The following VAV3 variants were observed in gnomAD, a reference collection of about 807,000 sequenced individuals.
The protein encoded by VAV3 is vav guanine nucleotide exchange factor 3, also known as guanine nucleotide exchange factor VAV3.
In VAV3, 94 loss-of-function variants were observed where a neutral mutation model predicts 131.2. The observed-to-expected ratio is 0.72, with a 90% CI of 0.61 to 0.85. The LOEUF (loss-of-function observed/expected upper bound fraction) is 0.85, where lower values mean the gene tolerates loss of function less well. VAV3 is among the 40% of genes least tolerant of loss of function. VAV3 has a pLI of 0.00. For missense variants in VAV3, 939 were observed against 1,002.7 expected (o/e 0.94, Z 0.86); for synonymous variants, 349 against 342.0 (o/e 1.02, Z -0.22).
At chr1:107,686,378 A>G (rs1253273192) in intron 18 of VAV3, among the ~76,000 whole-genome samples, 1 of 152,126 alleles carries the variant, frequency 6.6e-6, no homozygotes, top group Admixed American at 6.6e-5. Context: ...ATAAACTGGT[A>G]CATGGAGAGA....
chr1:107,668,835 CAT>C (rs1277585999), intron 19 of VAV3: 22 of 985,610 alleles, frequency 2.2e-5, no homozygotes, highest in African/African-American at 5.2e-5. Flanking sequence ...TTGATTGTCA[CAT>C]GTTAAATGGA....
chr1:107,749,182 T>C (rs866071706), intron 14 of VAV3, 105 bp from the exon 15 acceptor site: 69 of 906,808 alleles, frequency 7.6e-5, no homozygotes, highest in Middle Eastern at 3.2e-4. Context: ...ATATTATCAA[T>C]GTACAAACTG....
intron 2 of VAV3, among the ~76,000 whole-genome samples, chr1:107,782,386 T>C (rs1665740398): frequency 6.6e-6 from 1 of 152,092 alleles, no homozygotes; most frequent in Non-Finnish European, 1.5e-5. Context: ...TTTTCATGAG[T>C]GTCCACCAGA....
At chr1:107,673,168 T>G (rs1236700922) in intron 19 of VAV3, among the ~76,000 whole-genome samples, 1 of 152,222 alleles carries the variant, frequency 6.6e-6, no homozygotes, top group Non-Finnish European at 1.5e-5. Context: ...ACTTCCTTTT[T>G]TCTGAAGAGT....
chr1:107,868,222 G>C (rs974197842), intron 2 of VAV3, among the ~76,000 whole-genome samples: 2 of 152,156 alleles, frequency 1.3e-5, no homozygotes, highest in African/African-American at 4.8e-5. Flanking sequence ...AATACTTCAA[G>C]AGAGAAACAT....
chr1:107,683,636 CAT>C, intron 18 of VAV3, 103 bp from the exon 19 acceptor site: 1 of 1,168,770 alleles, frequency 8.6e-7, no homozygotes, highest in Non-Finnish European at 1.3e-6. Context: ...GAATGTTGCA[CAT>C]TTTCCAAGTC....
At chr1:107,837,510 A>AT (rs976943242) in intron 2 of VAV3, among the ~76,000 whole-genome samples, 1 of 152,114 alleles carries the variant, frequency 6.6e-6, no homozygotes, top group Non-Finnish European at 1.5e-5. Context: ...TAGCAATGTC[A>AT]TTTTTCACAG....
chr1:107,582,100 G>A (rs997996654), intron 25 of VAV3, among the ~76,000 whole-genome samples: 5 of 152,238 alleles, frequency 3.3e-5, no homozygotes, highest in African/African-American at 7.2e-5. Context: ...GATCACTTGC[G>A]TTTGCTGCCC....
chr1:107,726,491 TAATC>T lies in VAV3; in HGVS notation c.1503-21434_1503-21431del, dbSNP rs200714141. On this transcript the variant is annotated intron_variant, in intron 15 of 26. Coordinates refer to ENST00000370056, the MANE Select transcript of VAV3 (RefSeq NM_006113.5). ...TCTTTGAGAAAGTCATTGATTAAAT[TAATC>T]AATCAATTATCTACATAATAACGCT... 4.9e-3 allele frequency among the ~76,000 whole-genome samples: 739 copies of T among 152,330 alleles called. 4 individuals are homozygous for T. The highest frequency in any genetic ancestry group is 0.013 in the African/African-American group (535 of 41,576).
At chr1:107,717,755 G>T (rs9725912) in intron 15 of VAV3, among the ~76,000 whole-genome samples, 82 of 152,110 alleles carry the variant, frequency 5.4e-4, no homozygotes, top group Non-Finnish European at 1.0e-3. Flanking sequence ...CTATTAGGTC[G>T]GCTTAGTGCA....
intron 15 of VAV3, among the ~76,000 whole-genome samples, chr1:107,740,384 T>A (rs987120946): frequency 2.6e-5 from 4 of 152,156 alleles, no homozygotes; most frequent in African/African-American, 9.7e-5. Context: ...GTGGGACCTG[T>A]CCTTTTCAAT....
intron 1 of VAV3, among the ~76,000 whole-genome samples, chr1:107,899,669 A>G (rs1671766554): frequency 6.6e-6 from 1 of 152,206 alleles, no homozygotes. Flanking sequence ...GTGTTACTTC[A>G]TCTAATCTTC....
At chr1:107,801,742 G>T (rs923011454) in intron 2 of VAV3, among the ~76,000 whole-genome samples, 1 of 152,130 alleles carries the variant, frequency 6.6e-6, no homozygotes, top group Non-Finnish European at 1.5e-5. Flanking sequence ...CACCCCTGGA[G>T]TCTCTCTGAA....
chr1:107,597,443 G>T (rs185071742), intron 24 of VAV3, among the ~76,000 whole-genome samples: 16 of 152,270 alleles, frequency 1.1e-4, no homozygotes, highest in African/African-American at 3.9e-4. Flanking sequence ...GAGCTTCAGA[G>T]GTCACAGAGA....
intron 2 of VAV3, among the ~76,000 whole-genome samples, chr1:107,839,161 T>C (rs1668591738): frequency 2.0e-5 from 3 of 152,158 alleles, no homozygotes; most frequent in Admixed American, 2.0e-4. Flanking sequence ...TAAGTTAGCA[T>C]TTCTTGCCAA....
At position 107,669,790 on chromosome 1, in the gene VAV3, G is replaced by A. The variant is rs1055785036; in HGVS notation, c.1777+13698C>T. Among the ~76,000 whole-genome samples, 4 of 152,034 alleles carry A rather than the reference G, an allele frequency of 2.6e-5. 1 individual carries two copies. The highest frequency in any genetic ancestry group is 4.4e-5 in the Non-Finnish European group (3 of 67,988). ...GAAGAAAAGAGGTAAAGAAATAATT[G>A]CAAAGAAAAAGCTGTGTATTTTCCA... is the stretch of plus-strand genomic sequence containing the variant. On this transcript the variant is annotated intron_variant, in intron 19 of 26. Transcript: ENST00000370056.
chr1:107,724,487 ATGGCCTC>A (rs1661707901), intron 15 of VAV3, among the ~76,000 whole-genome samples: 1 of 152,202 alleles, frequency 6.6e-6, no homozygotes, highest in African/African-American at 2.4e-5. Context: ...CAAAAAATAC[ATGGCCTC>A]TGGCCTTACA....
intron 2 of VAV3, among the ~76,000 whole-genome samples, chr1:107,828,095 A>C (rs144405613): frequency 6.0e-4 from 92 of 152,248 alleles, no homozygotes; most frequent in Middle Eastern, 3.4e-3. Context: ...TTGGTGAGTG[A>C]ATTTGAAGGG....
chr1:107,825,530 T>C (rs992734902), intron 2 of VAV3, among the ~76,000 whole-genome samples: 2 of 152,110 alleles, frequency 1.3e-5, no homozygotes, highest in Admixed American at 1.3e-4. Context: ...AGGCTCATGA[T>C]AGAGAAAAAT....
Sources: allele counts gnomAD v4.1 joint callset (sites outside exome capture counted in the v4.1 genomes callset), GRCh38; gene constraint gnomAD v4.1.1; transcripts MANE v1.5; gene names NCBI Gene and HGNC (gene_info 2026-07-23, HGNC 2026-07-21).